Variants in TSPAN13 observed in about 807,000 individuals in gnomAD.
The protein encoded by TSPAN13 is tetraspanin-13.
In TSPAN13, 18 loss-of-function variants were observed where a neutral mutation model predicts 26.9. The ratio of observed to expected loss-of-function variants is 0.67; its 90% CI spans 0.46 to 0.99. TSPAN13 has a LOEUF of 0.99. Among genes scored for constraint, TSPAN13 ranks in the 50% least tolerant of loss-of-function variants. TSPAN13 has a pLI of 0.00. For synonymous variants in TSPAN13, 116 were observed against 98.4 expected, an observed-to-expected ratio of 1.18 and a Z score of -1.06; for missense variants, 201 against 249.6, an observed-to-expected ratio of 0.81 and a Z score of 1.31.
chr7:16,781,730 G>A (rs3807496), intron 5 of TSPAN13, among the ~76,000 whole-genome samples: 100,493 of 152,048 alleles, frequency 0.66, 33,981 homozygotes, highest in African/African-American at 0.83. Context: ...TAGTCAAAAT[G>A]TTAACATCCT....
At chr7:16,782,157 T>C (rs994170811) in intron 5 of TSPAN13, among the ~76,000 whole-genome samples, 2 of 152,250 alleles carry the variant, frequency 1.3e-5, no homozygotes, top group African/African-American at 4.8e-5. Context: ...GTTATGTTTG[T>C]TAAATACATT....
In TSPAN13 at chr7:16,784,186, G is replaced by A. The variant is rs191600592; in HGVS notation, c.*695G>A. 6 of 152,656 alleles carry A rather than the reference G, an allele frequency of 3.9e-5. No individual in the cohort carries two copies. Among genetic ancestry groups the A allele is most frequent in the East Asian group, 1.9e-4 (1 of 5,188 alleles). The allele number at this position is 152,656 out of a possible 1,614,324, so 9.5% of individuals were successfully genotyped here. On this transcript the variant is annotated 3_prime_UTR_variant, in exon 6 of 6. Transcript: ENST00000262067. ...CCTTCAGCCTCCATCAGAATGGAACGAGTTTTGAGTAATCAGGAAGTATAT... is the reference window on the plus strand; with the variant it reads ...CCTTCAGCCTCCATCAGAATGGAACAAGTTTTGAGTAATCAGGAAGTATAT...
chr7:16,778,623 A>G (rs113008170), intron 4 of TSPAN13, among the ~76,000 whole-genome samples: 5 of 152,214 alleles, frequency 3.3e-5, no homozygotes, highest in African/African-American at 9.6e-5. Context: ...TGCAACTAGA[A>G]GCTGCTCTCA....
At chr7:16,754,173 C>CA in intron 1 of TSPAN13, 143 bp downstream of exon 1, 2 of 847,424 alleles carry the variant, frequency 2.4e-6, no homozygotes, top group South Asian at 3.1e-5. Context: ...CCCCCGGCCT[C>CA]ACCATCCGTC....
rs1784745787 is a variant in TSPAN13, at chr7:16,776,377, T to G, written c.230T>G (p.Phe77Cys). 6.2e-7 allele frequency: 1 copy of G among 1,609,346 alleles called. No individual in the cohort carries two copies. The highest frequency in any genetic ancestry group is 1.7e-5 in the Admixed American group (1 of 59,286). ...AAACATCATCAGGTGTTGCTATTTT[T>G]TGTATCCTTTTTAAAAATCAAGATT... Reference protein sequence around the residue: ...AVKHHQVLLFFYMIILLLVFI... With the variant: ...AVKHHQVLLFCYMIILLLVFI... Residue 77 changes from phenylalanine (F) to cysteine (C), a missense_variant and splice_region_variant, in exon 2 of 6, where the codon TTT becomes TGT. Phe to Cys is a radical substitution (Grantham distance 205, BLOSUM62 -2). Transcript: ENST00000262067.
intron 1 of TSPAN13, 94 bp from the exon 2 acceptor site, chr7:16,776,117 T>A: frequency 1.6e-6 from 2 of 1,263,158 alleles, no homozygotes; most frequent in Non-Finnish European, 2.2e-6. Flanking sequence ...CGTAGGTGCC[T>A]GAAGGATATT....
chr7:16,776,450 A>G, intron 2 of TSPAN13, 72 bp downstream of exon 2: 2 of 1,451,994 alleles, frequency 1.4e-6, no homozygotes, highest in African/African-American at 2.8e-5. Context: ...TAATATTATC[A>G]CTAGGAAATT....
chr7:16,773,221 C>T (rs2115332458), intron 1 of TSPAN13, among the ~76,000 whole-genome samples: 1 of 150,940 alleles, frequency 6.6e-6, no homozygotes, highest in Non-Finnish European at 1.5e-5. Flanking sequence ...TTTTCATTCT[C>T]TTCTATACCG....
intron 3 of TSPAN13, 63 bp downstream of exon 3, chr7:16,777,185 G>C: frequency 8.4e-7 from 1 of 1,196,890 alleles, no homozygotes. Context: ...AAAAAAAGGA[G>C]GGTAATGATT....
chr7:16,759,831 G>A (rs1562516565), intron 1 of TSPAN13, among the ~76,000 whole-genome samples: 1 of 151,870 alleles, frequency 6.6e-6, no homozygotes, highest in Non-Finnish European at 1.5e-5. Context: ...TGGGACTACA[G>A]GCATGTACCA....
chr7:16,778,853 G>A (rs1454890040), intron 4 of TSPAN13, 150 bp from the exon 5 acceptor site: 4 of 581,100 alleles, frequency 6.9e-6, no homozygotes, highest in Non-Finnish European at 1.2e-5. Context: ...TGGGAGTCTT[G>A]GGGGCTGTGT....
intron 1 of TSPAN13, among the ~76,000 whole-genome samples, chr7:16,755,369 T>A (rs775477594): frequency 6.6e-6 from 1 of 152,108 alleles, no homozygotes; most frequent in Non-Finnish European, 1.5e-5. Context: ...TTAGTAAGAA[T>A]CTGGTCAACA....
intron 5 of TSPAN13, among the ~76,000 whole-genome samples, chr7:16,780,038 T>C (rs1034366385): frequency 2.6e-5 from 4 of 152,138 alleles, no homozygotes; most frequent in Non-Finnish European, 2.9e-5. Context: ...CCCAAAGTGC[T>C]GGGATTACAG....
chr7:16,753,784 A>G lies in TSPAN13; in HGVS notation c.-184A>G. Reference sequence around the variant, plus strand: ...CTCAGCTGCGGCGGCCGCAGGTTCCAAAGCGGGTCCGAGCCGCCGCCGCGC... The same window carrying G: ...CTCAGCTGCGGCGGCCGCAGGTTCCGAAGCGGGTCCGAGCCGCCGCCGCGC... On this transcript the variant is annotated 5_prime_UTR_variant, in exon 1 of 6. Transcript: ENST00000262067. 1 of 495,340 alleles carries G rather than the reference A, an allele frequency of 2.0e-6. No individual in the cohort carries two copies. The highest frequency in any genetic ancestry group is 3.4e-6 in the Non-Finnish European group (1 of 291,616). The allele number at this position is 495,340 out of a possible 1,614,324, so 30.7% of individuals were successfully genotyped here.
intron 1 of TSPAN13, 77 bp downstream of exon 1, chr7:16,754,107 T>G: frequency 6.9e-7 from 1 of 1,451,440 alleles, no homozygotes; most frequent in Non-Finnish European, 9.5e-7. Context: ...CCCTGCCTGG[T>G]CAGCGACTCA....
Position 16,783,606 on chromosome 7 carries a change from A to G in TSPAN13, c.*115A>G. 3.3e-6 allele frequency: 3 copies of G among 896,384 alleles called. No homozygotes were observed. The Admixed American group carries it at 6.2e-5, about 19-fold the overall frequency. 55.5% of individuals were successfully genotyped at this position (896,384 alleles called of 1,614,324 possible). A position where few individuals can be genotyped will look rare whatever the true frequency, so the allele number is the denominator to read the frequency against. The stretch of plus-strand genomic sequence containing the variant: ...GAAACACTATCTGGAAAAGTACCTT[A>G]TTGATAGTGGAATTATATATTTTTA... On this transcript the variant is annotated 3_prime_UTR_variant, in exon 6 of 6. Transcript: ENST00000262067.
chr7:16,783,372 T>C (rs1418801180), intron 5 of TSPAN13, 45 bp from the exon 6 acceptor site: 3 of 1,557,406 alleles, frequency 1.9e-6, no homozygotes, highest in South Asian at 2.2e-5. Context: ...TATACATAAA[T>C]GTTACTTTCT....
chr7:16,762,971 A>T (rs1194995216), intron 1 of TSPAN13, among the ~76,000 whole-genome samples: 2 of 152,162 alleles, frequency 1.3e-5, no homozygotes, highest in African/African-American at 4.8e-5. Context: ...TGAACCCATG[A>T]CCACATTCAA....
chr7:16,762,490 CA>C lies in TSPAN13; in HGVS notation c.63+8461del, dbSNP rs1784553750. Among the ~76,000 whole-genome samples, 3 of 152,252 alleles carry C rather than the reference CA, an allele frequency of 2.0e-5. No homozygotes were observed. The South Asian group carries it at 6.2e-4, about 32-fold the overall frequency. On this transcript the variant is annotated intron_variant, in intron 1 of 5. Transcript: ENST00000262067. ...AGGCCCTTCCCATCTTGGGATTTGT[CA>C]GCCTGGGAGTATGGACTTTTTCTCG... is the stretch of plus-strand genomic sequence containing the variant.
Sources: allele counts gnomAD v4.1 joint callset (sites outside exome capture counted in the v4.1 genomes callset), GRCh38; gene constraint gnomAD v4.1.1; transcripts MANE v1.5; gene names NCBI Gene and HGNC (gene_info 2026-07-23, HGNC 2026-07-21).